The following LEPR variants were observed in gnomAD, a reference collection of about 807,000 sequenced individuals.
LEPR encodes the protein OB receptor.
A neutral mutation model predicts 114.7 loss-of-function variants in LEPR; 56 were observed. The ratio of observed to expected loss-of-function variants is 0.49; its 90% confidence interval spans 0.39 to 0.61. LEPR has a LOEUF of 0.61. Ranked by LOEUF, LEPR falls within the 20% of genes least tolerant of loss-of-function variation. The pLI, the probability that LEPR is intolerant of heterozygous loss-of-function variation, is 0.00. For missense variants in LEPR, 1,202 were observed against 1,352.9 expected, an observed-to-expected ratio of 0.89 and a Z score of 1.75; for synonymous variants, 443 against 461.4, an observed-to-expected ratio of 0.96 and a Z score of 0.51.
intron 2 of LEPR, among the ~76,000 whole-genome samples, chr1:65,448,406 T>C (rs1646739143): frequency 6.6e-6 from 1 of 152,214 alleles, no homozygotes; most frequent in African/African-American, 2.4e-5. Context: ...TTTTTATACA[T>C]TGTTAGATTC....
chr1:65,543,918 TC>T (rs1651437336), intron 2 of LEPR, among the ~76,000 whole-genome samples: 1 of 152,132 alleles, frequency 6.6e-6, no homozygotes, highest in South Asian at 2.1e-4. Context: ...CCAGTTTTGT[TC>T]TTTTTGCTTA....
At position 65,636,778 on chromosome 1, in the gene LEPR, G is replaced by C; in HGVS notation, c.3261G>C (p.Lys1087Asn). The change falls in exon 20 of 20, where the codon AAG becomes AAC. Residue 1087 changes from lysine (K) to asparagine (N), a missense_variant. Lys to Asn is a moderately conservative substitution (Grantham distance 94). Transcript: ENST00000349533. ...ATTTAGGGGTCACCTCAATCAAAAA[G>C]AGAGAGAGTGGTGTGCTTTTGACTG... ...IYYLGVTSIK[K>N]RESGVLLTDK... 6.2e-7 allele frequency: 1 copy of C among 1,614,016 alleles called. No individual in the cohort carries two copies. The highest frequency in any genetic ancestry group is 8.5e-7 in the Non-Finnish European group (1 of 1,179,984).
intron 7 of LEPR, among the ~76,000 whole-genome samples, chr1:65,598,204 G>C (rs762851590): frequency 2.7e-5 from 4 of 149,256 alleles, no homozygotes; most frequent in Non-Finnish European, 4.4e-5. Flanking sequence ...AAAGTGTTGG[G>C]ATTACAGGCA....
chr1:65,441,011 A>G (rs1646642387), intron 2 of LEPR, among the ~76,000 whole-genome samples: 1 of 152,232 alleles, frequency 6.6e-6, no homozygotes, highest in African/African-American at 2.4e-5. Flanking sequence ...AGAGTCACAG[A>G]ATCACAGTTA....
intron 2 of LEPR, among the ~76,000 whole-genome samples, chr1:65,440,402 A>G (rs1049136313): frequency 2.0e-5 from 3 of 152,090 alleles, no homozygotes; most frequent in Admixed American, 1.3e-4. Context: ...AACTTCACAA[A>G]TAAGTCAAAT....
chr1:65,594,756 T>C (rs1200956565), intron 6 of LEPR, among the ~76,000 whole-genome samples: 1 of 152,068 alleles, frequency 6.6e-6, no homozygotes, highest in Admixed American at 6.6e-5. Flanking sequence ...ATCACCTATT[T>C]AGAGTTCAGG....
At chr1:65,483,167 G>A (rs1372896015) in intron 2 of LEPR, among the ~76,000 whole-genome samples, 3 of 151,862 alleles carry the variant, frequency 2.0e-5, no homozygotes, top group Non-Finnish European at 4.4e-5. Context: ...AAGGACAGCA[G>A]AAAGCAGACT....
At chr1:65,548,463 C>G (rs1331364940) in intron 2 of LEPR, among the ~76,000 whole-genome samples, 2 of 151,952 alleles carry the variant, frequency 1.3e-5, no homozygotes, top group Non-Finnish European at 2.9e-5. Context: ...GTAGGTCACT[C>G]AGGACTTGCT....
At chr1:65,586,773 T>C (rs943072138) in intron 5 of LEPR, among the ~76,000 whole-genome samples, 3 of 152,050 alleles carry the variant, frequency 2.0e-5, no homozygotes, top group Non-Finnish European at 2.9e-5. Flanking sequence ...GATAGTGTCA[T>C]GATGGGGTTA....
intron 5 of LEPR, among the ~76,000 whole-genome samples, chr1:65,580,658 G>A (rs1346262272): frequency 6.6e-6 from 1 of 152,174 alleles, no homozygotes. Context: ...TGAGCATGGG[G>A]AACAAGGTTC....
intron 2 of LEPR, among the ~76,000 whole-genome samples, chr1:65,553,212 AG>A (rs1301783297): frequency 6.6e-6 from 1 of 152,026 alleles, no homozygotes; most frequent in East Asian, 1.9e-4. Context: ...GCTCTTCTCG[AG>A]GAGTATCTTT....
At position 65,451,819 on chromosome 1, in the gene LEPR, T is replaced by G. The variant is rs564061526; in HGVS notation, c.-21+26441T>G. ...GTTTTTTCCAATTCTGTGAAGAAAG[T>G]CATTGGTAGCTTGATGGGTATGGCA... On this transcript the variant is annotated intron_variant, in intron 2 of 19. Transcript: ENST00000349533. Among the ~76,000 whole-genome samples, 180 of 152,162 alleles carry G rather than the reference T, an allele frequency of 1.2e-3. 4 individuals carry two copies. In the East Asian group the frequency reaches 0.031, roughly 27 times the overall value.
chr1:65,592,088 C>T (rs1160121454), intron 5 of LEPR, among the ~76,000 whole-genome samples: 3 of 151,962 alleles, frequency 2.0e-5, no homozygotes, highest in Non-Finnish European at 2.9e-5. Flanking sequence ...ACAAATTTCT[C>T]CCCTCCCAAG....
chr1:65,491,534 G>T (rs1051486929), intron 2 of LEPR, among the ~76,000 whole-genome samples: 2 of 152,078 alleles, frequency 1.3e-5, no homozygotes, highest in African/African-American at 4.8e-5. Context: ...TCAAAGAGAG[G>T]TATGGTCAGA....
chr1:65,594,870 C>CTATG (rs1655945731), intron 6 of LEPR, among the ~76,000 whole-genome samples: 1 of 151,952 alleles, frequency 6.6e-6, no homozygotes, highest in Admixed American at 6.6e-5. Context: ...GAATAAGCAT[C>CTATG]TATGGAGTGC....
intron 2 of LEPR, among the ~76,000 whole-genome samples, chr1:65,512,339 C>G (rs1182815922): frequency 6.6e-6 from 1 of 152,168 alleles, no homozygotes; most frequent in Admixed American, 6.5e-5. Context: ...GGCGGGGACA[C>G]AAATCTAAAC....
At position 65,640,214 on chromosome 1, in the gene LEPR, T is replaced by C. The variant is rs929393118; in HGVS notation, c.*3199T>C. 2 of 152,202 alleles carry C rather than the reference T, an allele frequency of 1.3e-5. No homozygotes were observed. Among genetic ancestry groups the C allele is most frequent in the African/African-American group, 4.8e-5 (2 of 41,456 alleles). 9.4% of individuals were successfully genotyped at this position (152,202 alleles called of 1,614,324 possible). A position where few individuals can be genotyped will look rare whatever the true frequency, so the allele number is the denominator to read the frequency against. ...ACTTTAGGCTGTAAGAGTTGAGAAT[T>C]ATGCATACAGGGCTCACAGGCGGAG... On this transcript the variant is annotated 3_prime_UTR_variant, in exon 20 of 20. Transcript: ENST00000349533.
chr1:65,566,887 CA>C (rs1271683501), intron 3 of LEPR, among the ~76,000 whole-genome samples: 1 of 152,132 alleles, frequency 6.6e-6, no homozygotes, highest in African/African-American at 2.4e-5. Flanking sequence ...TACAGATTTC[CA>C]AAAAATTATG....
At chr1:65,499,556 C>T (rs948944783) in intron 2 of LEPR, among the ~76,000 whole-genome samples, 2 of 151,968 alleles carry the variant, frequency 1.3e-5, no homozygotes, top group African/African-American at 2.4e-5. Flanking sequence ...CCAGCCTTCA[C>T]GAGTATACAA....
Sources: gnomAD v4.1 joint callset for allele counts (sites outside exome capture counted in the v4.1 genomes callset) on GRCh38, gnomAD v4.1.1 for gene constraint, MANE v1.5 for transcripts, NCBI Gene and HGNC (gene_info 2026-07-23, HGNC 2026-07-21) for gene names.